Variants in CDH18 observed in about 807,000 individuals in gnomAD.
The protein encoded by CDH18 is cadherin-18.
In CDH18, 31 loss-of-function variants were observed where a neutral mutation model predicts 67.9. The ratio of observed to expected loss-of-function variants is 0.46; its 90% CI spans 0.34 to 0.62. CDH18 has a LOEUF of 0.62. Among genes scored for constraint, CDH18 ranks in the 20% least tolerant of loss-of-function variants. CDH18 has a pLI of 0.01. For missense variants in CDH18, 890 were observed against 975.5 expected, an observed-to-expected ratio of 0.91 and a Z score of 1.17; for synonymous variants, 362 against 347.2, an observed-to-expected ratio of 1.04 and a Z score of -0.48.
chr5:20,366,284 T>C (rs1742511053), intron 1 of CDH18, among the ~76,000 whole-genome samples: 2 of 152,134 alleles, frequency 1.3e-5, no homozygotes, highest in African/African-American at 4.8e-5. Flanking sequence ...TCTTGCTTAC[T>C]CACCACCACC....
At chr5:19,920,881 A>G (rs568363080) in intron 2 of CDH18, among the ~76,000 whole-genome samples, 1 of 110,448 alleles carries the variant, frequency 9.1e-6, no homozygotes, top group Admixed American at 1.1e-4. Flanking sequence ...ATATATATGT[A>G]TACCCACAAG....
intron 2 of CDH18, among the ~76,000 whole-genome samples, chr5:20,051,382 T>A (rs891539534): frequency 6.6e-6 from 1 of 151,928 alleles, no homozygotes; most frequent in Non-Finnish European, 1.5e-5. Flanking sequence ...TCTATAATAT[T>A]TCTACCACTA....
rs148089932 is a variant in CDH18, at chr5:19,527,337, TATA to T, written c.1391-6562_1391-6560del. Among the ~76,000 whole-genome samples, 989 of 151,838 alleles carry T rather than the reference TATA, an allele frequency of 6.5e-3. 10 individuals are homozygous for T. Among genetic ancestry groups the T allele is most frequent in the African/African-American group, 0.023 (948 of 41,540 alleles). ...AATTAATACATATTATAAACTACTT[TATA>T]ATACTATTAAATCTACTTAAACAAT... On this transcript the variant is annotated intron_variant, in intron 9 of 12. Coordinates refer to ENST00000382275, the MANE Select transcript of CDH18 (RefSeq NM_004934.5).
chr5:20,265,998 T>C (rs1277449725), intron 1 of CDH18, among the ~76,000 whole-genome samples: 1 of 152,174 alleles, frequency 6.6e-6, no homozygotes, highest in African/African-American at 2.4e-5. Context: ...ACCCTCTGCT[T>C]GAGCTGGGAC....
intron 2 of CDH18, among the ~76,000 whole-genome samples, chr5:20,047,893 C>CA (rs1414449342): frequency 6.6e-6 from 1 of 151,724 alleles, no homozygotes; most frequent in East Asian, 1.9e-4. Context: ...CAGGTTAGGG[C>CA]ACTAATTATC....
intron 5 of CDH18, among the ~76,000 whole-genome samples, chr5:19,652,963 A>C: frequency 6.6e-6 from 1 of 152,116 alleles, no homozygotes; most frequent in African/African-American, 2.4e-5. Context: ...TAGCTGGTTT[A>C]CTGAATTACC....
At chr5:20,333,451 G>A (rs1739375986) in intron 1 of CDH18, among the ~76,000 whole-genome samples, 1 of 149,176 alleles carries the variant, frequency 6.7e-6, no homozygotes, top group Non-Finnish European at 1.5e-5. Context: ...AGGTTGCAGT[G>A]AGCTGAGGTC....
At chr5:19,888,072 G>C (rs1788414111) in intron 2 of CDH18, among the ~76,000 whole-genome samples, 2 of 151,928 alleles carry the variant, frequency 1.3e-5, no homozygotes, top group African/African-American at 4.8e-5. Context: ...TATTCTATTT[G>C]TCTCTTCTGA....
At chr5:20,381,664 T>C (rs1743918915) in intron 1 of CDH18, among the ~76,000 whole-genome samples, 1 of 152,022 alleles carries the variant, frequency 6.6e-6, no homozygotes, top group Non-Finnish European at 1.5e-5. Flanking sequence ...AAATCTCAAA[T>C]AAATAAGTAA....
intron 2 of CDH18, among the ~76,000 whole-genome samples, chr5:19,962,393 A>AAAAAG (rs1797007042): frequency 1.4e-5 from 2 of 147,508 alleles, no homozygotes; most frequent in East Asian, 4.0e-4. Context: ...AAAAAAAAAA[A>AAAAAG]AAAGAAAATT....
chr5:20,565,767 A>C (rs1758470205), intron 1 of CDH18, among the ~76,000 whole-genome samples: 1 of 151,474 alleles, frequency 6.6e-6, no homozygotes, highest in South Asian at 2.1e-4. Context: ...AAAAAAAAAA[A>C]AAAAGTTCCA....
chr5:19,961,418 A>G (rs1796895474), intron 2 of CDH18, among the ~76,000 whole-genome samples: 1 of 151,902 alleles, frequency 6.6e-6, no homozygotes, highest in South Asian at 2.1e-4. Context: ...ACTACATTAT[A>G]ATCTTATGAG....
intron 2 of CDH18, among the ~76,000 whole-genome samples, chr5:20,164,037 T>C (rs1231670827): frequency 2.0e-5 from 3 of 152,196 alleles, no homozygotes; most frequent in Non-Finnish European, 4.4e-5. Flanking sequence ...AACTTTTCCA[T>C]AACAAGGCTT....
intron 2 of CDH18, among the ~76,000 whole-genome samples, chr5:20,085,494 C>T (rs191354565): frequency 6.6e-6 from 1 of 152,292 alleles, no homozygotes; most frequent in African/African-American, 2.4e-5. Context: ...GTCACTTCCA[C>T]ATTTTTGGGT....
At chr5:20,550,451 A>T (rs1435878943) in intron 1 of CDH18, among the ~76,000 whole-genome samples, 1 of 152,338 alleles carries the variant, frequency 6.6e-6, no homozygotes, top group South Asian at 2.1e-4. Flanking sequence ...GATTTTTTAA[A>T]GTAATAATAT....
chr5:20,262,053 A>G (rs1012300529), intron 1 of CDH18, among the ~76,000 whole-genome samples: 1 of 152,224 alleles, frequency 6.6e-6, no homozygotes, highest in African/African-American at 2.4e-5. Flanking sequence ...GTCATCAGCA[A>G]TACAACTCCA....
At chr5:20,242,621 T>TATATACATGC (rs1743045426) in intron 2 of CDH18, among the ~76,000 whole-genome samples, 1 of 118,930 alleles carries the variant, frequency 8.4e-6, no homozygotes, top group Non-Finnish European at 1.6e-5. Flanking sequence ...AATATATATA[T>TATATACATGC]ATATATATAT....
intron 5 of CDH18, among the ~76,000 whole-genome samples, chr5:19,635,138 C>T (rs1487654504): frequency 6.6e-6 from 1 of 152,074 alleles, no homozygotes; most frequent in African/African-American, 2.4e-5. Flanking sequence ...AAATACTAAT[C>T]TAGAATAGCT....
At chr5:20,168,642 A>G (rs1736474701) in intron 2 of CDH18, among the ~76,000 whole-genome samples, 1 of 152,170 alleles carries the variant, frequency 6.6e-6, no homozygotes, top group African/African-American at 2.4e-5. Flanking sequence ...GATTATAGAA[A>G]AGTGCACTGG....
Sources: gnomAD v4.1 joint callset for allele counts (sites outside exome capture counted in the v4.1 genomes callset) on GRCh38, gnomAD v4.1.1 for gene constraint, MANE v1.5 for transcripts, NCBI Gene and HGNC (gene_info 2026-07-23, HGNC 2026-07-21) for gene names.